Variants in SCAPER observed in about 807,000 individuals in gnomAD.
The protein encoded by SCAPER is S phase cyclin A-associated protein in the endoplasmic reticulum.
Under a neutral mutation model 182.2 loss-of-function variants are expected in SCAPER, and 98 were observed. The ratio of observed to expected loss-of-function variants is 0.54; its 90% CI spans 0.46 to 0.64. The LOEUF (loss-of-function observed/expected upper bound fraction) is 0.64. SCAPER is among the 30% of genes least tolerant of loss of function. The pLI is 0.00. For missense variants in SCAPER, 1,432 were observed against 1,690.0 expected, an observed-to-expected ratio of 0.85 and a Z score of 2.68; for synonymous variants, 605 against 564.6, an observed-to-expected ratio of 1.07 and a Z score of -1.01.
At chr15:76,573,079 T>G (rs973518110) in intron 23 of SCAPER, among the ~76,000 whole-genome samples, 28 of 152,094 alleles carry the variant, frequency 1.8e-4, no homozygotes, top group African/African-American at 6.3e-4. Context: ...TAACTTTGAC[T>G]GAAAAAATAA....
intron 17 of SCAPER, among the ~76,000 whole-genome samples, chr15:76,726,124 A>AATATGAATATATATATATATATAT (rs1555555703): frequency 7.8e-4 from 12 of 15,352 alleles, no homozygotes; most frequent in African/African-American, 1.7e-3. Context: ...TAATGTCTAG[A>AATATGAATATATATATATATATAT]ATATATATAT....
At chr15:76,814,904 C>T (rs954053008) in intron 5 of SCAPER, among the ~76,000 whole-genome samples, 4 of 141,156 alleles carry the variant, frequency 2.8e-5, no homozygotes, top group East Asian at 2.0e-4. Flanking sequence ...AAGGAACTCA[C>T]ACAATTCAAT....
intron 8 of SCAPER, among the ~76,000 whole-genome samples, chr15:76,778,492 A>T (rs2063882433): frequency 6.6e-6 from 1 of 152,160 alleles, no homozygotes; most frequent in Admixed American, 6.5e-5. Flanking sequence ...CAAGAAATGC[A>T]AAGCAGTTCA....
intron 27 of SCAPER, among the ~76,000 whole-genome samples, chr15:76,390,897 C>T (rs558262155): frequency 6.6e-6 from 1 of 152,288 alleles, no homozygotes; most frequent in South Asian, 2.1e-4. Flanking sequence ...CCAGTACCCT[C>T]CTAAATGATC....
At chr15:76,528,713 C>A (rs921205061) in intron 23 of SCAPER, among the ~76,000 whole-genome samples, 1 of 152,220 alleles carries the variant, frequency 6.6e-6, no homozygotes, top group African/African-American at 2.4e-5. Flanking sequence ...AATCTACTCA[C>A]CACATTGCAG....
At chr15:76,816,722 G>A (rs1007897908) in intron 5 of SCAPER, among the ~76,000 whole-genome samples, 4 of 150,206 alleles carry the variant, frequency 2.7e-5, no homozygotes, top group African/African-American at 4.9e-5. Flanking sequence ...GCGCTATCTC[G>A]GCTCACTGCA....
Position 76,774,302 on chromosome 15 carries a change from T to A in SCAPER, c.1035+553A>T, listed in dbSNP as rs1361882895. The stretch of plus-strand genomic sequence containing the variant: ...CCTACAATGTATTCTTCAAAACTAT[T>A]AATGTCATGAAAGACAAAGACAGGT... On this transcript the variant is annotated intron_variant, in intron 9 of 31. Coordinates refer to ENST00000563290, the MANE Select transcript of SCAPER (RefSeq NM_020843.4). The A allele has an allele frequency of 1.6e-5, 5 of 314,104 alleles. No individual in the cohort carries two copies. The Admixed American group carries it at 2.5e-4, about 16-fold the overall frequency. 19.5% of individuals were successfully genotyped at this position (314,104 alleles called of 1,614,324 possible). A position where few individuals can be genotyped will look rare whatever the true frequency, so the allele number is the denominator to read the frequency against.
chr15:76,875,301 T>C (rs918245998), intron 2 of SCAPER, among the ~76,000 whole-genome samples: 1 of 152,206 alleles, frequency 6.6e-6, no homozygotes, highest in Non-Finnish European at 1.5e-5. Flanking sequence ...ATTTAATGTC[T>C]TTTAAGAGAA....
chr15:76,540,065 G>A (rs1413934724), intron 23 of SCAPER, among the ~76,000 whole-genome samples: 1 of 152,128 alleles, frequency 6.6e-6, no homozygotes, highest in Non-Finnish European at 1.5e-5. Context: ...TTCCCAGGGT[G>A]AAGTAAAAGA....
At chr15:76,545,955 T>C (rs2045245377) in intron 23 of SCAPER, among the ~76,000 whole-genome samples, 1 of 151,986 alleles carries the variant, frequency 6.6e-6, no homozygotes, top group Admixed American at 6.6e-5. Flanking sequence ...CCTAAAAAAA[T>C]ATTCCCAGAG....
intron 2 of SCAPER, among the ~76,000 whole-genome samples, chr15:76,868,884 C>CA (rs1159696707): frequency 1.3e-5 from 2 of 151,938 alleles, no homozygotes; most frequent in African/African-American, 4.8e-5. Context: ...ACTACAGTAA[C>CA]AAAATCAGCA....
At chr15:76,882,757 C>CG (rs1489932585) in intron 2 of SCAPER, among the ~76,000 whole-genome samples, 1 of 152,218 alleles carries the variant, frequency 6.6e-6, no homozygotes, top group East Asian at 1.9e-4. Context: ...CTCCGCCTCC[C>CG]GGGTTCATGC....
At chr15:76,765,285 T>G in intron 13 of SCAPER, 52 bp downstream of exon 13, 2 of 1,393,646 alleles carry the variant, frequency 1.4e-6, no homozygotes, top group Non-Finnish European at 1.0e-6. Flanking sequence ...CAGTCAAGAG[T>G]GGCTAGTTTC....
At chr15:76,476,217 G>T (rs903224411) in intron 24 of SCAPER, among the ~76,000 whole-genome samples, 2 of 152,136 alleles carry the variant, frequency 1.3e-5, no homozygotes, top group Non-Finnish European at 2.9e-5. Flanking sequence ...CTAATTTCTC[G>T]TCTGTAGCTT....
At chr15:76,715,783 C>T (rs770468635) in intron 17 of SCAPER, among the ~76,000 whole-genome samples, 12 of 152,132 alleles carry the variant, frequency 7.9e-5, no homozygotes, top group Non-Finnish European at 1.0e-4. Flanking sequence ...AGTGCCTCAC[C>T]CTGCCCCCCA....
chr15:76,421,644 C>T (rs1240048680), intron 26 of SCAPER, among the ~76,000 whole-genome samples: 6 of 152,028 alleles, frequency 3.9e-5, no homozygotes, highest in East Asian at 1.9e-4. Flanking sequence ...CATTTGTCAA[C>T]TTTGGCTTTT....
chr15:76,713,948 C>G (rs2059740268), intron 17 of SCAPER, among the ~76,000 whole-genome samples: 1 of 152,098 alleles, frequency 6.6e-6, no homozygotes, highest in Admixed American at 6.6e-5. Context: ...TCCATATCAG[C>G]TTTATCTGTA....
chr15:76,582,907 T>C (rs759219671), intron 22 of SCAPER, among the ~76,000 whole-genome samples: 1 of 152,196 alleles, frequency 6.6e-6, no homozygotes, highest in Non-Finnish European at 1.5e-5. Flanking sequence ...TGGATATCCA[T>C]ACTCAAAAGA....
At chr15:76,728,560 G>A in intron 17 of SCAPER, 35 bp downstream of exon 17, 1 of 1,612,182 alleles carries the variant, frequency 6.2e-7, no homozygotes, top group Non-Finnish European at 8.5e-7. Context: ...TATTCACTCA[G>A]TGCAAAATGT....
Sources: gnomAD v4.1 joint callset for allele counts (sites outside exome capture counted in the v4.1 genomes callset) on GRCh38, gnomAD v4.1.1 for gene constraint, MANE v1.5 for transcripts, NCBI Gene and HGNC (gene_info 2026-07-23, HGNC 2026-07-21) for gene names.